WDR20: variants seen among roughly 807,000 people sequenced by gnomAD.
WDR20 encodes WD repeat domain 20, also known as WD repeat-containing protein 20.
WDR20 carries 3 observed loss-of-function variants against 38.7 expected under a neutral mutation model. That is an observed-to-expected ratio of 0.08 (90% CI 0.04 to 0.20). The LOEUF (loss-of-function observed/expected upper bound fraction) is 0.20. Among genes scored for constraint, WDR20 ranks in the 10% least tolerant of loss-of-function variants. WDR20 has a pLI of 1.00. For missense variants in WDR20, 559 were observed against 727.7 expected (o/e 0.77, Z 2.67); for synonymous variants, 298 against 285.6 (o/e 1.04, Z -0.44).
At chr14:102,158,455 G>A (rs1434825599) in intron 1 of WDR20, among the ~76,000 whole-genome samples, 1 of 151,980 alleles carries the variant, frequency 6.6e-6, no homozygotes, top group African/African-American at 2.4e-5. Flanking sequence ...GTACCACCAC[G>A]CCTGGCTAAT....
chr14:102,194,435 GA>G (rs2059072160), intron 1 of WDR20, among the ~76,000 whole-genome samples: 1 of 152,180 alleles, frequency 6.6e-6, no homozygotes, highest in Non-Finnish European at 1.5e-5. Flanking sequence ...AGTCTGGGGT[GA>G]GGTTTGAGAT....
chr14:102,210,061 AG>A lies in WDR20; in HGVS notation c.*182del. 1 of 1,382,916 alleles carries A rather than the reference AG, an allele frequency of 7.2e-7. No individual in the cohort carries two copies. Among genetic ancestry groups the A allele is most frequent in the Non-Finnish European group, 9.3e-7 (1 of 1,075,522 alleles). The allele number at this position is 1,382,916 out of a possible 1,614,324, so 85.7% of individuals were successfully genotyped here. On this transcript the variant is annotated 3_prime_UTR_variant, in exon 3 of 3. Coordinates refer to ENST00000342702, the MANE Select transcript of WDR20 (RefSeq NM_144574.4). ...TGAATCATTTGATAATTTACCTTAG[AG>A]CATTTAAAAAAATATAATCAAACTA... is the stretch of plus-strand genomic sequence containing the variant.
At chr14:102,191,625 A>G (rs1175911751) in intron 1 of WDR20, among the ~76,000 whole-genome samples, 4 of 151,920 alleles carry the variant, frequency 2.6e-5, no homozygotes, top group East Asian at 1.9e-4. Context: ...CAGAAATACA[A>G]TTTTTTTTAT....
chr14:102,200,461 TTTTTTTTGTGTGTGTG>T lies in WDR20; in HGVS notation c.432+5343_432+5358del, dbSNP rs1440942838. ...GGCGAGGAGTTTACTTTTTAAATTT[TTTTTTTTGTGTGTGTG>T]TGTGTGTGTGTGTGTGTGTGTGTGT... On this transcript the variant is annotated intron_variant, in intron 2 of 2. Coordinates refer to ENST00000342702, the MANE Select transcript of WDR20 (RefSeq NM_144574.4). 4.5e-3 allele frequency among the ~76,000 whole-genome samples: 455 copies of T among 100,746 alleles called. 3 individuals are homozygous for T. Among genetic ancestry groups the T allele is most frequent in the Non-Finnish European group, 7.4e-3 (358 of 48,646 alleles). 66.1% of individuals were successfully genotyped at this position (100,746 alleles called of 152,430 possible). A position where few individuals can be genotyped will look rare whatever the true frequency, so the allele number is the denominator to read the frequency against.
downstream of WDR20, chr14:102,212,555 G>C: frequency 6.5e-7 from 1 of 1,535,978 alleles, no homozygotes; most frequent in Non-Finnish European, 8.7e-7. Flanking sequence ...AGGACAGGAT[G>C]CAAGGTGTTC....
chr14:102,172,286 A>G (rs912488475), intron 1 of WDR20, among the ~76,000 whole-genome samples: 1 of 150,778 alleles, frequency 6.6e-6, no homozygotes, highest in African/African-American at 2.4e-5. Context: ...GAACAAAATG[A>G]AAAGTCTCCC....
chr14:102,202,419 G>A (rs1178141144), intron 2 of WDR20, among the ~76,000 whole-genome samples: 5 of 113,564 alleles, frequency 4.4e-5, no homozygotes, highest in African/African-American at 1.0e-4. Context: ...TCGCTCTGTC[G>A]CCCAGGCTGG....
At chr14:102,188,562 A>G (rs1596510769) in intron 1 of WDR20, among the ~76,000 whole-genome samples, 1 of 152,130 alleles carries the variant, frequency 6.6e-6, no homozygotes, top group Non-Finnish European at 1.5e-5. Context: ...GAATTTCAGT[A>G]GTATTGTTCC....
At chr14:102,190,799 G>A (rs953520979) in intron 1 of WDR20, among the ~76,000 whole-genome samples, 2 of 152,088 alleles carry the variant, frequency 1.3e-5, no homozygotes, top group South Asian at 2.1e-4. Flanking sequence ...TCAGGAGTTC[G>A]AGACCAGCAT....
At chr14:102,172,914 G>A (rs2061240429) in intron 1 of WDR20, among the ~76,000 whole-genome samples, 1 of 148,366 alleles carries the variant, frequency 6.7e-6, no homozygotes, top group Non-Finnish European at 1.5e-5. Context: ...GGGCAGCGAC[G>A]CTCCTCACCT....
In WDR20 at chr14:102,209,986, A is replaced by T. The variant is rs1249050384; in HGVS notation, c.*106A>T. 5 of 1,475,546 alleles carry T rather than the reference A, an allele frequency of 3.4e-6. No individual in the cohort carries two copies. Among genetic ancestry groups the T allele is most frequent in the Middle Eastern group, 3.7e-4 (2 of 5,438 alleles). 91.4% of individuals were successfully genotyped at this position (1,475,546 alleles called of 1,614,324 possible). On this transcript the variant is annotated 3_prime_UTR_variant, in exon 3 of 3. Coordinates refer to ENST00000342702, the MANE Select transcript of WDR20 (RefSeq NM_144574.4). This position sits in a 1 kb window ranked among gnomAD's most constrained non-coding sequence, Gnocchi z 6.0. The stretch of plus-strand genomic sequence containing the variant: ...ATGACACTTCTTATTCTTAATGTAA[A>T]TCTCAATGCATCAGAGCCATAATTT...
intron 1 of WDR20, among the ~76,000 whole-genome samples, chr14:102,152,736 G>A (rs929529428): frequency 6.6e-6 from 1 of 152,042 alleles, no homozygotes; most frequent in Non-Finnish European, 1.5e-5. Context: ...TTAAATCTTT[G>A]CAAATAATCT....
At chr14:102,215,906 C>T (rs143833063), downstream of WDR20, among the ~76,000 whole-genome samples, 1,784 of 152,304 alleles carry the variant, frequency 0.012, 15 homozygotes, top group Middle Eastern at 0.041. Context: ...CCCTGGCACC[C>T]GCAGGCCTAC....
At chr14:102,217,253 G>A (rs115043488), downstream of WDR20, among the ~76,000 whole-genome samples, 767 of 152,294 alleles carry the variant, frequency 5.0e-3, 6 homozygotes, top group African/African-American at 0.017. Flanking sequence ...AGCCCGGGCC[G>A]GTGCTGGTCT....
Position 102,222,870 on chromosome 14 carries a change from G to T in WDR20, c.1733G>T (p.Gly578Val), listed in dbSNP as rs767184163. Residue 578 changes from glycine (G) to valine (V), a missense_variant, in exon 4 of 4, where the codon GGA (glycine) becomes GTA (valine). Coordinates refer to the WDR20 transcript ENST00000335263. This position sits in a 1 kb window ranked among gnomAD's most constrained non-coding sequence, Gnocchi z 4.4. ...CCAAGCCAGGCCAGTTCTCCAGGTG[G>T]AACTGTAGTGTAGCGACCTCACTGC... 6.2e-7 allele frequency: 1 copy of T among 1,614,104 alleles called. No homozygotes were observed. The highest frequency in any genetic ancestry group is 8.5e-7 in the Non-Finnish European group (1 of 1,180,036).
At chr14:102,195,447 G>T (rs926802141) in intron 2 of WDR20, among the ~76,000 whole-genome samples, 1 of 152,178 alleles carries the variant, frequency 6.6e-6, no homozygotes, top group Non-Finnish European at 1.5e-5. Flanking sequence ...TCCAAAGTTG[G>T]TTCACATCAC....
chr14:102,151,198 T>G (rs867927020), intron 1 of WDR20, among the ~76,000 whole-genome samples: 72 of 141,222 alleles, frequency 5.1e-4, no homozygotes, highest in Middle Eastern at 3.6e-3. Context: ...TTTTTTTTTT[T>G]GTCATTGGAG....
intron 1 of WDR20, among the ~76,000 whole-genome samples, chr14:102,184,799 CTCTG>C (rs1213107465): frequency 6.6e-6 from 1 of 152,172 alleles, no homozygotes; most frequent in East Asian, 1.9e-4. Context: ...CCTGCCTCCC[CTCTG>C]TCTAATTCTC....
intron 1 of WDR20, among the ~76,000 whole-genome samples, chr14:102,149,329 C>A (rs1012600988): frequency 1.3e-5 from 2 of 151,852 alleles, no homozygotes; most frequent in East Asian, 3.9e-4. Context: ...TTGTTCCCGG[C>A]TGATTTTGTA....
Sources: gnomAD v4.1 joint callset for allele counts (sites outside exome capture counted in the v4.1 genomes callset) on GRCh38, gnomAD v4.1.1 for gene constraint, Gnocchi (gnomAD v3.1) non-coding constraint, MANE v1.5 for transcripts, NCBI Gene and HGNC (gene_info 2026-07-23, HGNC 2026-07-21) for gene names.